The following IQGAP2 variants were observed in gnomAD, a reference collection of about 807,000 sequenced individuals.
IQGAP2 encodes the protein IQ motif containing GTPase activating protein 2, also known as ras GTPase-activating-like protein IQGAP2.
Under a neutral mutation model 201.3 loss-of-function variants are expected in IQGAP2, and 173 were observed. That is an observed-to-expected ratio of 0.86 (90% CI 0.76 to 0.98). IQGAP2 has a LOEUF of 0.98. Among genes scored for constraint, IQGAP2 ranks in the 50% least tolerant of loss-of-function variants. The probability of loss-of-function intolerance (pLI) is 0.00; values close to 1 mark genes in which losing one functional copy is unlikely to be tolerated. For synonymous variants in IQGAP2, 675 were observed against 673.9 expected (o/e 1.00, Z -0.03); for missense variants, 1,687 against 1,864.8 (o/e 0.90, Z 1.76).
At chr5:76,686,287 C>T (rs1430658995) in intron 30 of IQGAP2, among the ~76,000 whole-genome samples, 5 of 146,968 alleles carry the variant, frequency 3.4e-5, no homozygotes, top group East Asian at 1.9e-4. Flanking sequence ...TGTCCTTTTC[C>T]GCACAAATGT....
At chr5:76,657,679 C>A (rs1742875874) in intron 20 of IQGAP2, among the ~76,000 whole-genome samples, 2 of 152,204 alleles carry the variant, frequency 1.3e-5, no homozygotes, top group Non-Finnish European at 2.9e-5. Context: ...TTACCCAGAT[C>A]TGATCTCCCT....
intron 30 of IQGAP2, among the ~76,000 whole-genome samples, chr5:76,687,139 A>G (rs1178409571): frequency 2.0e-5 from 3 of 152,152 alleles, no homozygotes; most frequent in Non-Finnish European, 2.9e-5. Context: ...CAACTTTTCC[A>G]TTTATGTAAA....
intron 2 of IQGAP2, among the ~76,000 whole-genome samples, chr5:76,509,910 T>G (rs1757851398): frequency 6.6e-6 from 1 of 152,100 alleles, no homozygotes; most frequent in Non-Finnish European, 1.5e-5. Context: ...GTTTTCCATA[T>G]CTTAAAATTA....
intron 2 of IQGAP2, among the ~76,000 whole-genome samples, chr5:76,561,431 G>A (rs1744356035): frequency 6.6e-6 from 1 of 152,160 alleles, no homozygotes; most frequent in Non-Finnish European, 1.5e-5. Context: ...AGTGTTGGCA[G>A]GATCAGTGGC....
chr5:76,567,485 G>A (rs1447403941), intron 3 of IQGAP2, among the ~76,000 whole-genome samples: 1 of 152,188 alleles, frequency 6.6e-6, no homozygotes. Flanking sequence ...ATATTGTGAG[G>A]CACAAAATGA....
chr5:76,499,163 G>C (rs773542059), intron 2 of IQGAP2, among the ~76,000 whole-genome samples: 1 of 152,170 alleles, frequency 6.6e-6, no homozygotes, highest in Non-Finnish European at 1.5e-5. Flanking sequence ...AATTATGATT[G>C]TCTTAACACA....
intron 13 of IQGAP2, among the ~76,000 whole-genome samples, chr5:76,622,957 C>T (rs1276793047): frequency 2.6e-5 from 4 of 152,178 alleles, no homozygotes; most frequent in African/African-American, 9.7e-5. Flanking sequence ...TTTTAAACAT[C>T]AGGAGGGAAC....
chr5:76,528,739 C>G (rs551096654), intron 2 of IQGAP2, among the ~76,000 whole-genome samples: 2 of 152,266 alleles, frequency 1.3e-5, no homozygotes, highest in South Asian at 4.1e-4. Context: ...CAATATGATT[C>G]ATTTGCACCA....
chr5:76,606,851 A>G (rs1004596926), intron 12 of IQGAP2: 1 of 152,354 alleles, frequency 6.6e-6, no homozygotes, highest in East Asian at 1.9e-4. Flanking sequence ...CTGCTTTATC[A>G]TTTGCATCTT....
intron 2 of IQGAP2, among the ~76,000 whole-genome samples, chr5:76,490,208 C>G (rs1010182102): frequency 6.6e-6 from 1 of 152,138 alleles, no homozygotes; most frequent in Non-Finnish European, 1.5e-5. Flanking sequence ...CCTGGTATCT[C>G]TTTTTTTAGT....
At chr5:76,429,978 C>G (rs145343105) in intron 1 of IQGAP2, among the ~76,000 whole-genome samples, 1 of 151,906 alleles carries the variant, frequency 6.6e-6, no homozygotes, top group East Asian at 1.9e-4. Flanking sequence ...ATATCTGTAG[C>G]CTGTGGGTGG....
At chr5:76,570,436 C>T (rs1381865778) in intron 3 of IQGAP2, 144 bp from the exon 4 acceptor site, 1 of 645,174 alleles carries the variant, frequency 1.5e-6, no homozygotes, top group East Asian at 2.6e-5. Context: ...TAGCACGCCT[C>T]TGTTTGCTTT....
At chr5:76,657,564 G>A (rs1276295473) in intron 20 of IQGAP2, among the ~76,000 whole-genome samples, 2 of 152,134 alleles carry the variant, frequency 1.3e-5, no homozygotes, top group Non-Finnish European at 2.9e-5. Flanking sequence ...GTAAAGGAGG[G>A]CAACTAATGA....
intron 1 of IQGAP2, among the ~76,000 whole-genome samples, chr5:76,412,819 T>C (rs974541730): frequency 1.3e-5 from 2 of 152,266 alleles, no homozygotes; most frequent in African/African-American, 4.8e-5. Context: ...TAGATTTGCT[T>C]CCATCCCCTG....
intron 2 of IQGAP2, among the ~76,000 whole-genome samples, chr5:76,536,436 T>A (rs1011731205): frequency 8.6e-5 from 13 of 152,034 alleles, no homozygotes; most frequent in African/African-American, 3.1e-4. Context: ...CCTGTTAAAT[T>A]GTGTGCTGCT....
intron 1 of IQGAP2, among the ~76,000 whole-genome samples, chr5:76,416,964 G>A (rs942656621): frequency 6.6e-6 from 1 of 152,168 alleles, no homozygotes; most frequent in Non-Finnish European, 1.5e-5. Context: ...GAGTAGATGG[G>A]ACCATAGGCA....
At chr5:76,664,706 A>C (rs1003594635) in intron 21 of IQGAP2, among the ~76,000 whole-genome samples, 3 of 152,148 alleles carry the variant, frequency 2.0e-5, no homozygotes, top group African/African-American at 7.2e-5. Flanking sequence ...GATCACTGAT[A>C]ACAGCGCCCC....
chr5:76,702,279 C>T (rs1341353451), intron 34 of IQGAP2, among the ~76,000 whole-genome samples: 1 of 152,166 alleles, frequency 6.6e-6, no homozygotes, highest in Non-Finnish European at 1.5e-5. Flanking sequence ...CTATGAGCTA[C>T]AGATCTCAAC....
At chr5:76,690,199 G>A (rs1746143471) in intron 30 of IQGAP2, among the ~76,000 whole-genome samples, 1 of 152,118 alleles carries the variant, frequency 6.6e-6, no homozygotes, top group Non-Finnish European at 1.5e-5. Flanking sequence ...GGGTGGGAAG[G>A]GGGATGCATA....
Sources: gnomAD v4.1 joint callset for allele counts (sites outside exome capture counted in the v4.1 genomes callset) on GRCh38, gnomAD v4.1.1 for gene constraint, MANE v1.5 for transcripts, NCBI Gene and HGNC (gene_info 2026-07-23, HGNC 2026-07-21) for gene names.